SRRM2: variants seen among roughly 807,000 people sequenced by gnomAD.
The protein encoded by SRRM2 is serine/arginine repetitive matrix protein 2.
A neutral mutation model predicts 213.8 loss-of-function variants in SRRM2; 30 were observed. That is an observed-to-expected ratio of 0.14 (90% CI 0.10 to 0.19). SRRM2 has a LOEUF of 0.19. Among genes scored for constraint, SRRM2 ranks in the 10% least tolerant of loss-of-function variants. The pLI is 1.00. For synonymous variants in SRRM2, 2,025 were observed against 1,377.7 expected (o/e 1.47, Z -10.40); for missense variants, 4,904 against 3,647.0 (o/e 1.34, Z -8.88).
At chr16:2,755,102 A>G (rs1596258265) in intron 1 of SRRM2, among the ~76,000 whole-genome samples, 1 of 152,166 alleles carries the variant, frequency 6.6e-6, no homozygotes, top group East Asian at 1.9e-4. Flanking sequence ...TTTCTCATAT[A>G]TGCATGTTCT....
intron 3 of SRRM2, 59 bp downstream of exon 3, chr16:2,757,638 T>C (rs2068193105): frequency 1.3e-6 from 2 of 1,586,342 alleles, no homozygotes; most frequent in Admixed American, 1.8e-5. Context: ...TGGCTGCTGC[T>C]GCTGTCCTTT....
At chr16:2,757,717 T>C (rs563652299) in intron 3 of SRRM2, 64 bp from the exon 4 acceptor site, 2 of 1,593,538 alleles carry the variant, frequency 1.3e-6, no homozygotes, top group Non-Finnish European at 1.7e-6. Flanking sequence ...CTGCTTATAC[T>C]TGTGTTCTGA....
chr16:2,758,849 C>T lies in SRRM2; in HGVS notation c.594-136C>T, dbSNP rs537628882. 1.7e-3 allele frequency: 1,572 copies of T among 904,730 alleles called. 7 individuals are homozygous for T. The highest frequency in any genetic ancestry group is 0.011 in the Middle Eastern group (32 of 2,960). 56.0% of individuals were successfully genotyped at this position (904,730 alleles called of 1,614,324 possible). ...CTTGTTGGAGAAAGAAGAAATAAGT[C>T]CTGGGCTTAGGTCTGGGGCATTAGT... On this transcript the variant is annotated intron_variant, in intron 5 of 14. Transcript: ENST00000301740.
At chr16:2,761,064 C>T (rs1235080317) in intron 10 of SRRM2, among the ~76,000 whole-genome samples, 1 of 152,182 alleles carries the variant, frequency 6.6e-6, no homozygotes, top group Admixed American at 6.5e-5. Flanking sequence ...TTCCTTATTG[C>T]TTTTGAATTA....
In SRRM2 at chr16:2,765,140, C is replaced by T. The variant is rs781505083; in HGVS notation, c.4612C>T (p.Arg1538Cys). The T allele has an allele frequency of 3.4e-5, 55 of 1,614,146 alleles. No homozygotes were observed. Among genetic ancestry groups the T allele is most frequent in the East Asian group, 2.5e-4 (11 of 44,880 alleles). ...TCGGACTCCCCTGGGGCAGAGAAGTCGTTCGGGATCCTCTCAAGAACTTGA... is the reference window on the plus strand; with the variant it reads ...TCGGACTCCCCTGGGGCAGAGAAGTTGTTCGGGATCCTCTCAAGAACTTGA... ...VARTPLGQRS[R>C]SGSSQELDVK... is the part of the protein sequence containing the mutation. Residue 1538 changes from arginine to cysteine, a missense_variant, in exon 11 of 15, where the codon CGT (arginine) becomes TGT (cysteine). Arg to Cys is a radical substitution (Grantham distance 180). Coordinates refer to ENST00000301740, the MANE Select transcript of SRRM2 (RefSeq NM_016333.4).
At chr16:2,757,613 C>G in intron 3 of SRRM2, 34 bp downstream of exon 3, 2 of 1,596,110 alleles carry the variant, frequency 1.3e-6, no homozygotes, top group Non-Finnish European at 1.7e-6. Context: ...TGACTCTGGA[C>G]TCTACTCTGG....
chr16:2,762,902 A>G lies in SRRM2; in HGVS notation c.2374A>G (p.Thr792Ala), dbSNP rs2068410236. The G allele has an allele frequency of 1.2e-6, 2 of 1,614,008 alleles. No individual in the cohort carries two copies. Among genetic ancestry groups the G allele is most frequent in the African/African-American group, 1.3e-5 (1 of 74,918 alleles). The change falls in exon 11 of 15, where the codon ACA becomes GCA. Residue 792 changes from threonine to alanine, a missense_variant. Transcript: ENST00000301740. ...CCCATGCCCTAAACAAAAGTCACAG[A>G]CACCACCCAGGCGCAGTCGCTCTGG... Reference protein sequence around the residue: ...SSPCPKQKSQTPPRRSRSGSS... With the variant: ...SSPCPKQKSQAPPRRSRSGSS...
At chr16:2,761,540 T>C (rs769236964) in intron 10 of SRRM2, 21 bp from the exon 11 acceptor site, 140 of 1,484,466 alleles carry the variant, frequency 9.4e-5, no homozygotes, top group Middle Eastern at 1.8e-4. Flanking sequence ...TCCCTATCCC[T>C]GCTCTCTCTT....
Position 2,765,104 on chromosome 16 carries a change from A to C in SRRM2, c.4576A>C (p.Lys1526Gln). The part of the protein sequence containing the change: ...RSGSESSVDQ[K>Q]TVARTPLGQR... ...CGGGTCAGAATCATCAGTTGATCAG[A>C]AAACTGTGGCTCGGACTCCCCTGGG... is the stretch of plus-strand genomic sequence containing the variant. Residue 1526 changes from lysine (K) to glutamine (Q), a missense_variant, in exon 11 of 15, where the codon AAA becomes CAA. Lys to Gln is a moderately conservative substitution (Grantham distance 53, BLOSUM62 1). Coordinates refer to ENST00000301740, the MANE Select transcript of SRRM2 (RefSeq NM_016333.4). The C allele has an allele frequency of 6.2e-7, 1 of 1,614,154 alleles. No homozygotes were observed. The highest frequency in any genetic ancestry group is 1.1e-5 in the South Asian group (1 of 91,078).
rs754844000 is a variant in SRRM2 at position 2,763,699 on chromosome 16, G to C, written c.3171G>C (p.Leu1057=). The C allele has an allele frequency of 6.2e-7, 1 of 1,614,188 alleles. No homozygotes were observed. The highest frequency in any genetic ancestry group is 8.5e-7 in the Non-Finnish European group (1 of 1,180,040). ...ATTTTGGTGTCTCATCTCTGCAACT[G>C]AAAGGACAATCTCAAACTTCACCAG... ...ESYFGVSSLQ[L]KGQSQTSPDH... The change falls in exon 11 of 15, where the codon CTG becomes CTC. Residue 1057 remains leucine, a synonymous_variant. Coordinates refer to ENST00000301740, the MANE Select transcript of SRRM2 (RefSeq NM_016333.4).
In SRRM2 at chr16:2,764,184, C is replaced by T. The variant is rs551472146; in HGVS notation, c.3656C>T (p.Ser1219Phe). The T allele has an allele frequency of 1.1e-5, 17 of 1,614,226 alleles. No individual in the cohort carries two copies. In the South Asian group the frequency reaches 1.2e-4, roughly 11 times the overall value. The stretch of plus-strand genomic sequence containing the variant: ...AGGGAAAGAAGTGGTGCTGGGTCAT[C>T]TCCAGAAACAAAAGAGCAAAATAGT... ...PPRERSGAGS[S>F]PETKEQNSAL... Residue 1219 changes from serine (S) to phenylalanine (F), a missense_variant, in exon 11 of 15, where the codon TCT becomes TTT. Physicochemically the swap from Ser to Phe is radical, Grantham distance 155 (BLOSUM62 -2). Transcript: ENST00000301740.
At chr16:2,760,524 C>G (rs183800656) in intron 10 of SRRM2, 25 bp downstream of exon 10, 1 of 1,611,412 alleles carries the variant, frequency 6.2e-7, no homozygotes, top group Non-Finnish European at 8.5e-7. Context: ...TGGTGATGTT[C>G]ATTGGATTGC....
Position 2,762,277 on chromosome 16 carries a change from G to A in SRRM2, c.1749G>A (p.Arg583=), listed in dbSNP as rs767415925. ...CTAGAACACCAGCCCGCCGGGGCAG[G>A]TCCCGCTCTAGAACACCTGCCAGGC... The part of the protein sequence containing the change: ...SRSRTPARRG[R]SRSRTPARRR... Residue 583 remains arginine (R), a synonymous_variant, in exon 11 of 15, where the codon AGG becomes AGA. Transcript: ENST00000301740. 5 of 1,613,960 alleles carry A rather than the reference G, an allele frequency of 3.1e-6. No homozygotes were observed. In the African/African-American group the frequency reaches 4.0e-5, roughly 13 times the overall value.
chr16:2,768,385 C>T (rs2068619430), intron 11 of SRRM2, 124 bp downstream of exon 11: 2 of 1,115,428 alleles, frequency 1.8e-6, no homozygotes, highest in Non-Finnish European at 1.3e-6. Flanking sequence ...GACCTTGACC[C>T]TCAAGCTGGG....
chr16:2,757,425 G>A (rs1218366361), intron 2 of SRRM2, 47 bp from the exon 3 acceptor site: 1 of 1,568,182 alleles, frequency 6.4e-7, no homozygotes, highest in South Asian at 1.1e-5. Context: ...CCTGGGACTG[G>A]GGAAAGTGTC....
chr16:2,765,799 A>C lies in SRRM2; in HGVS notation c.5271A>C (p.Ser1757=). 6.2e-7 allele frequency: 1 copy of C among 1,614,082 alleles called. No individual in the cohort carries two copies. Among genetic ancestry groups the C allele is most frequent in the Non-Finnish European group, 8.5e-7 (1 of 1,180,036 alleles). ...SASSPRTKTT[S]RRGRSPSPKP... is the part of the protein sequence containing the mutation. ...CATCTCCACGCACTAAGACAACCTCAAGGAGAGGCCGCTCTCCTTCGCCAA... is the reference window on the plus strand; with the variant it reads ...CATCTCCACGCACTAAGACAACCTCCAGGAGAGGCCGCTCTCCTTCGCCAA... The change falls in exon 11 of 15, where the codon TCA becomes TCC. Residue 1757 remains serine, a synonymous_variant. Coordinates refer to ENST00000301740, the MANE Select transcript of SRRM2 (RefSeq NM_016333.4).
Position 2,767,910 on chromosome 16 carries a change from G to A in SRRM2, c.7382G>A (p.Cys2461Tyr). The part of the protein sequence containing the change: ...VPSAFSDQSR[C>Y]LIAQTTPVAG... ...TCTGCTTTTTCAGACCAATCCCGTT[G>A]TTTGATTGCCCAGACCACCCCTGTA... The change falls in exon 11 of 15, where the codon TGT (cysteine) becomes TAT (tyrosine). Residue 2461 changes from cysteine to tyrosine, a missense_variant. By Grantham distance (194) the Cys-to-Tyr change is radical (BLOSUM62 -2). Coordinates refer to ENST00000301740, the MANE Select transcript of SRRM2 (RefSeq NM_016333.4). 6.2e-7 allele frequency: 1 copy of A among 1,614,144 alleles called. No individual in the cohort carries two copies. The highest frequency in any genetic ancestry group is 8.5e-7 in the Non-Finnish European group (1 of 1,180,024).
intron 12 of SRRM2, chr16:2,769,492 G>T (rs531861452): frequency 7.8e-6 from 5 of 642,406 alleles, no homozygotes; most frequent in Non-Finnish European, 1.4e-5. Flanking sequence ...CTCAGGCCAG[G>T]ACCAGGGGGT....
In SRRM2 at chr16:2,759,167, G is replaced by A. The variant is rs550406093; in HGVS notation, c.684G>A (p.Lys228=). Residue 228 remains lysine, a synonymous_variant, in exon 7 of 15, where the codon AAG becomes AAA. Coordinates refer to ENST00000301740, the MANE Select transcript of SRRM2 (RefSeq NM_016333.4). ...CAGAATCTGAGTCCAAGAAACGTAA[G>A]CATAGGTAAGAGCTCTTTAACTCAT... ...HRSESESKKR[K]HRSPTPKSKR... 3.1e-6 allele frequency: 5 copies of A among 1,614,152 alleles called. No homozygotes were observed. The South Asian group carries it at 3.3e-5, about 11-fold the overall frequency.
Sources: gnomAD v4.1 joint callset for allele counts (sites outside exome capture counted in the v4.1 genomes callset) on GRCh38, gnomAD v4.1.1 for gene constraint, MANE v1.5 for transcripts, NCBI Gene and HGNC (gene_info 2026-07-23, HGNC 2026-07-21) for gene names.